Variants in USP34 observed in about 807,000 individuals in gnomAD.
USP34 encodes ubiquitin specific peptidase 34, also known as ubiquitin carboxyl-terminal hydrolase 34.
In USP34, 70 loss-of-function variants were observed where a neutral mutation model predicts 460.3. The observed-to-expected ratio is 0.15, with a 90% CI of 0.13 to 0.19. The LOEUF (loss-of-function observed/expected upper bound fraction) is 0.19. Ranked by LOEUF, USP34 falls within the 10% of genes least tolerant of loss-of-function variation. The pLI, the probability that USP34 is intolerant of heterozygous loss-of-function variation, is 1.00. For missense variants in USP34, 3,985 were observed against 4,236.2 expected, an observed-to-expected ratio of 0.94 and a Z score of 1.65; for synonymous variants, 1,647 against 1,405.3, an observed-to-expected ratio of 1.17 and a Z score of -3.85.
At chr2:61,253,628 A>G (rs1360274885) in intron 48 of USP34, among the ~76,000 whole-genome samples, 1 of 152,142 alleles carries the variant, frequency 6.6e-6, no homozygotes, top group Admixed American at 6.6e-5. Context: ...TTGTATAATG[A>G]CTTTTTATTC....
chr2:61,283,935 T>G (rs1421642783), intron 35 of USP34, among the ~76,000 whole-genome samples: 3 of 94,708 alleles, frequency 3.2e-5, no homozygotes, highest in African/African-American at 4.3e-5. Flanking sequence ...TGGGGTAGGG[T>G]AGGGTGGGGT....
intron 27 of USP34, among the ~76,000 whole-genome samples, chr2:61,303,833 G>A (rs1202597708): frequency 6.6e-6 from 1 of 151,712 alleles, no homozygotes; most frequent in African/African-American, 2.4e-5. Flanking sequence ...CTGACCTCGT[G>A]ATCTGCCCGC....
chr2:61,241,960 A>G, intron 51 of USP34, 141 bp from the exon 52 acceptor site: 1 of 486,336 alleles, frequency 2.1e-6, no homozygotes, highest in Non-Finnish European at 3.6e-6. Context: ...CGCCTTCATA[A>G]AAATTCTACG....
In USP34 at chr2:61,363,494, T is replaced by C. The variant is rs142074025; in HGVS notation, c.1251+6827A>G. On this transcript the variant is annotated intron_variant, in intron 10 of 79. Coordinates refer to ENST00000398571, the MANE Select transcript of USP34 (RefSeq NM_014709.4). Reference sequence around the variant, plus strand: ...TATATGCTATAGTTTACTGCTCCTGTATAGCATGTTACTGTACTGAATACT... The same window carrying C: ...TATATGCTATAGTTTACTGCTCCTGCATAGCATGTTACTGTACTGAATACT... Among the ~76,000 whole-genome samples, 502 of 152,340 alleles carry C rather than the reference T, an allele frequency of 3.3e-3. 2 individuals are homozygous for C. The highest frequency in any genetic ancestry group is 5.8e-3 in the Non-Finnish European group (393 of 68,032).
intron 3 of USP34, among the ~76,000 whole-genome samples, chr2:61,405,232 C>CAAAAAAAAAAAAAAAAAAAA (rs199659618): frequency 6.8e-4 from 53 of 78,044 alleles, no homozygotes; most frequent in Non-Finnish European, 9.2e-4. Flanking sequence ...GACTCCATCT[C>CAAAAAAAAAAAAAAAAAAAA]AAAAAAAAAA....
intron 18 of USP34, among the ~76,000 whole-genome samples, chr2:61,336,148 T>C (rs1691409504): frequency 1.6e-5 from 1 of 64,364 alleles, no homozygotes; most frequent in Admixed American, 1.7e-4. Flanking sequence ...TCCGCACAAT[T>C]TTTTTTTTTT....
chr2:61,293,391 C>A, intron 33 of USP34, 73 bp downstream of exon 33: 1 of 1,164,940 alleles, frequency 8.6e-7, no homozygotes, highest in South Asian at 1.5e-5. Flanking sequence ...AAAAGCTATA[C>A]TTGCTGATGA....
At chr2:61,210,628 G>C (rs1687248304) in intron 69 of USP34, among the ~76,000 whole-genome samples, 2 of 152,166 alleles carry the variant, frequency 1.3e-5, no homozygotes, top group Admixed American at 6.5e-5. Context: ...TCTTTCATTA[G>C]ATACCAGAAA....
intron 1 of USP34, among the ~76,000 whole-genome samples, chr2:61,423,981 AAAAT>A (rs1694437713): frequency 6.6e-6 from 1 of 152,198 alleles, no homozygotes; most frequent in Middle Eastern, 3.2e-3. Flanking sequence ...CAAAATAAAT[AAAAT>A]AAATGTTCAC....
intron 1 of USP34, among the ~76,000 whole-genome samples, chr2:61,443,527 A>G (rs1695027362): frequency 6.6e-6 from 1 of 152,112 alleles, no homozygotes; most frequent in African/African-American, 2.4e-5. Context: ...ATGAAAATAC[A>G]TAAAGAACAT....
At chr2:61,444,704 C>T in intron 1 of USP34, among the ~76,000 whole-genome samples, 1 of 152,040 alleles carries the variant, frequency 6.6e-6, no homozygotes, top group Non-Finnish European at 1.5e-5. Context: ...TTTTCACGGG[C>T]TACCTGAATG....
Position 61,344,020 on chromosome 2 carries a change from A to G in USP34, c.2295T>C (p.Val765=), listed in dbSNP as rs2103766210. 7 of 1,613,630 alleles carry G rather than the reference A, an allele frequency of 4.3e-6. No individual in the cohort carries two copies. The East Asian group carries it at 1.6e-4, about 36-fold the overall frequency. ...CATCATCTGCACTTAGCATATCATC[A>G]ACCATATGCCTACAAAACAGAGAAA... ...HHHHHHDGHM[V]DDMLSADDVS... Residue 765 remains valine, a synonymous_variant, in exon 16 of 80, where the codon GTT becomes GTC. Coordinates refer to ENST00000398571, the MANE Select transcript of USP34 (RefSeq NM_014709.4).
intron 8 of USP34, 74 bp from the exon 9 acceptor site, chr2:61,370,653 T>C (rs191726107): frequency 1.7e-4 from 238 of 1,362,096 alleles, no homozygotes; most frequent in Admixed American, 4.2e-4. Flanking sequence ...GTAGAGTCAA[T>C]TGAAAACCTA....
intron 1 of USP34, 71 bp downstream of exon 1, chr2:61,470,579 C>T: frequency 2.7e-6 from 3 of 1,107,598 alleles, no homozygotes; most frequent in Middle Eastern, 2.1e-4. Flanking sequence ...CGCGGCAGCC[C>T]GGGGAGGCCA....
At chr2:61,406,394 T>C (rs1693871587) in intron 2 of USP34, among the ~76,000 whole-genome samples, 1 of 152,152 alleles carries the variant, frequency 6.6e-6, no homozygotes, top group Non-Finnish European at 1.5e-5. Context: ...CATGGAACTA[T>C]TTAAAAACAA....
Position 61,188,314 on chromosome 2 carries a change from G to C in USP34, c.10429C>G (p.Leu3477Val), listed in dbSNP as rs1232502530. 1 of 1,613,692 alleles carries C rather than the reference G, an allele frequency of 6.2e-7. No homozygotes were observed. Among genetic ancestry groups the C allele is most frequent in the Admixed American group, 1.7e-5 (1 of 60,030 alleles). ...EFPSTSISAV[L>V]SDLADLRSCD... ...CTTCTCAAGTCAGCTAAGTCAGACA[G>C]AACTGCAGAGATAGAAGTAGAAGGG... The change falls in exon 80 of 80, where the codon CTG becomes GTG. Residue 3477 changes from leucine (L) to valine (V), a missense_variant. Leu to Val is a conservative substitution (Grantham distance 32). Coordinates refer to ENST00000398571, the MANE Select transcript of USP34 (RefSeq NM_014709.4).
chr2:61,304,110 C>A (rs1690327401), intron 27 of USP34, among the ~76,000 whole-genome samples: 1 of 152,094 alleles, frequency 6.6e-6, no homozygotes, highest in Non-Finnish European at 1.5e-5. Context: ...GTTGGCCAGG[C>A]TGGTCTCGAC....
At chr2:61,315,357 A>T (rs1690711112) in intron 23 of USP34, among the ~76,000 whole-genome samples, 1 of 151,908 alleles carries the variant, frequency 6.6e-6, no homozygotes, top group African/African-American at 2.4e-5. Flanking sequence ...ACATATGCTA[A>T]CTCAAGTTCT....
At chr2:61,326,327 C>A (rs1345794261) in intron 20 of USP34, among the ~76,000 whole-genome samples, 2 of 152,114 alleles carry the variant, frequency 1.3e-5, no homozygotes, top group African/African-American at 2.4e-5. Flanking sequence ...CGTGCCTTAG[C>A]CTCCGGAGTA....
Sources: gnomAD v4.1 joint callset for allele counts (sites outside exome capture counted in the v4.1 genomes callset) on GRCh38, gnomAD v4.1.1 for gene constraint, MANE v1.5 for transcripts, NCBI Gene and HGNC (gene_info 2026-07-23, HGNC 2026-07-21) for gene names.